The following PARD3B variants were observed in gnomAD, a reference collection of about 807,000 sequenced individuals.
PARD3B encodes the protein par-3 family cell polarity regulator beta, also known as partitioning defective 3 homolog B.
In PARD3B, 103 loss-of-function variants were observed where a neutral mutation model predicts 130.2. That is an observed-to-expected ratio of 0.79 (90% confidence interval 0.67 to 0.93). The LOEUF (loss-of-function observed/expected upper bound fraction) is 0.93. Among genes scored for constraint, PARD3B ranks in the 40% least tolerant of loss-of-function variants. The probability of loss-of-function intolerance (pLI) is 0.00; values close to 1 mark genes in which losing one functional copy is unlikely to be tolerated. For missense variants in PARD3B, 1,609 were observed against 1,499.2 expected (o/e 1.07, Z -1.21); for synonymous variants, 583 against 553.2 (o/e 1.05, Z -0.76).
intron 2 of PARD3B, among the ~76,000 whole-genome samples, chr2:204,746,421 G>T (rs919170088): frequency 4.0e-5 from 6 of 151,826 alleles, no homozygotes; most frequent in Non-Finnish European, 8.8e-5. Context: ...TTGCTATTGT[G>T]AATAGTGCCG....
intron 3 of PARD3B, among the ~76,000 whole-genome samples, chr2:204,982,549 A>G (rs1692766502): frequency 6.6e-6 from 1 of 152,258 alleles, no homozygotes; most frequent in South Asian, 2.1e-4. Flanking sequence ...CCACATAACA[A>G]TATGTTGTCC....
chr2:205,184,377 A>G (rs2035974285), intron 13 of PARD3B, among the ~76,000 whole-genome samples: 1 of 152,238 alleles, frequency 6.6e-6, no homozygotes. Context: ...AGATACAAGT[A>G]GAACTTACAA....
rs1472730049 is a variant in PARD3B at position 205,301,721 on chromosome 2, G to A, written c.2630+20G>A. The A allele has an allele frequency of 2.5e-6, 4 of 1,613,882 alleles. No homozygotes were observed. The highest frequency in any genetic ancestry group is 2.5e-6 in the Non-Finnish European group (3 of 1,179,856). On this transcript the variant is annotated intron_variant, in intron 18 of 22. Transcript: ENST00000406610. This position sits in a 1 kb window ranked among gnomAD's most constrained non-coding sequence, Gnocchi z 5.2. Reference sequence around the variant, plus strand: ...GCTGAGGTATGGGCCTGCTTTGAAGGCAAAGTTGGTTCTCATTTTGTCTCT... The same window carrying A: ...GCTGAGGTATGGGCCTGCTTTGAAGACAAAGTTGGTTCTCATTTTGTCTCT...
chr2:205,550,955 G>GTGTGTATA lies in PARD3B; in HGVS notation c.3181-2368_3181-2367insGTGTATAT, dbSNP rs796567936. Reference sequence around the variant, plus strand: ...TGTGTGTGTGTGTATATATATATGTGTATATATATATATATATATATACAC... The same window carrying GTGTGTATA: ...TGTGTGTGTGTGTATATATATATGTGTGTGTATATATATATATATATATATATATACAC... On this transcript the variant is annotated intron_variant, in intron 21 of 22. Transcript: ENST00000406610. This position sits in a 1 kb window ranked among gnomAD's most constrained non-coding sequence, Gnocchi z 4.5. Among the ~76,000 whole-genome samples, 51 of 94,442 alleles carry GTGTGTATA rather than the reference G, an allele frequency of 5.4e-4. No homozygotes were observed. The highest frequency in any genetic ancestry group is 2.5e-3 in the South Asian group (6 of 2,378). 62.0% of individuals were successfully genotyped at this position (94,442 alleles called of 152,430 possible).
intron 3 of PARD3B, among the ~76,000 whole-genome samples, chr2:205,038,165 G>A (rs1698144181): frequency 6.6e-6 from 1 of 152,170 alleles, no homozygotes; most frequent in African/African-American, 2.4e-5. Flanking sequence ...GATATAATTA[G>A]TGGTTGAGGC....
intron 7 of PARD3B, among the ~76,000 whole-genome samples, chr2:205,119,947 C>CTAAG (rs1378244633): frequency 3.3e-5 from 5 of 151,976 alleles, no homozygotes; most frequent in Non-Finnish European, 5.9e-5. Flanking sequence ...GACCAAAGGA[C>CTAAG]TAAGTACTAA....
chr2:205,253,312 C>T lies in PARD3B; in HGVS notation c.2185+7490C>T, dbSNP rs2039936525. On this transcript the variant is annotated intron_variant, in intron 16 of 22. Transcript: ENST00000406610. The surrounding 1 kb of genome is among the most constrained non-coding windows in gnomAD (Gnocchi z 4.4). The stretch of plus-strand genomic sequence containing the variant: ...TATTAACACAAAGGCTCTGGCCGCC[C>T]CCCTACAAAGGAGGCCATGGAACCG... 1.9e-6 allele frequency: 1 copy of T among 518,496 alleles called. No individual in the cohort carries two copies. Among genetic ancestry groups the T allele is most frequent in the Admixed American group, 2.2e-5 (1 of 45,504 alleles). 32.1% of individuals were successfully genotyped at this position (518,496 alleles called of 1,614,324 possible). A position where few individuals can be genotyped will look rare whatever the true frequency, so the allele number is the denominator to read the frequency against.
At chr2:204,844,845 T>C (rs1450909449) in intron 2 of PARD3B, among the ~76,000 whole-genome samples, 1 of 152,170 alleles carries the variant, frequency 6.6e-6, no homozygotes, top group African/African-American at 2.4e-5. Flanking sequence ...AACTTTACAC[T>C]ATTGACTTTC....
chr2:205,441,352 C>T (rs919234799), intron 20 of PARD3B, among the ~76,000 whole-genome samples: 4 of 152,212 alleles, frequency 2.6e-5, no homozygotes, highest in Non-Finnish European at 5.9e-5. Context: ...TGATTCCAAC[C>T]CCACCTCCTG....
At chr2:204,892,782 G>T (rs2046497639) in intron 2 of PARD3B, among the ~76,000 whole-genome samples, 1 of 152,156 alleles carries the variant, frequency 6.6e-6, no homozygotes, top group Non-Finnish European at 1.5e-5. Context: ...AGTCTTTTCT[G>T]TGCAACTACA....
At chr2:204,832,973 T>C (rs2043885051) in intron 2 of PARD3B, among the ~76,000 whole-genome samples, 1 of 152,144 alleles carries the variant, frequency 6.6e-6, no homozygotes, top group Admixed American at 6.5e-5. Context: ...AGATGTAAGG[T>C]AGCATTATTA....
At chr2:205,156,296 A>C (rs1299615012) in intron 10 of PARD3B, among the ~76,000 whole-genome samples, 6 of 150,750 alleles carry the variant, frequency 4.0e-5, no homozygotes, top group East Asian at 2.0e-4. Context: ...TAGCATTAGG[A>C]GATATACCTA....
chr2:204,627,384 T>G (rs2125134994), intron 1 of PARD3B, among the ~76,000 whole-genome samples: 1 of 152,288 alleles, frequency 6.6e-6, no homozygotes, highest in African/African-American at 2.4e-5. Context: ...TATTTAAAAT[T>G]TTCATAACAA....
intron 2 of PARD3B, among the ~76,000 whole-genome samples, chr2:204,692,210 T>G (rs2037388005): frequency 6.6e-6 from 1 of 152,138 alleles, no homozygotes; most frequent in South Asian, 2.1e-4. Context: ...TGCTATGTTT[T>G]TTGTTACAAC....
intron 1 of PARD3B, among the ~76,000 whole-genome samples, chr2:204,549,569 G>A (rs1451079469): frequency 1.3e-5 from 2 of 152,106 alleles, no homozygotes; most frequent in Admixed American, 1.3e-4. Context: ...ATTGGGTTAG[G>A]AGTGGGTCCT....
chr2:205,200,704 T>C (rs1174760598), intron 15 of PARD3B, among the ~76,000 whole-genome samples: 29 of 152,222 alleles, frequency 1.9e-4, no homozygotes, highest in Admixed American at 1.8e-3. Context: ...TAAAGATGTA[T>C]ACAGTGAATA....
intron 1 of PARD3B, among the ~76,000 whole-genome samples, chr2:204,655,113 C>G (rs544241808): frequency 6.6e-6 from 1 of 152,188 alleles, no homozygotes; most frequent in Non-Finnish European, 1.5e-5. Context: ...GACATGTCAT[C>G]ATTTCATTGG....
At chr2:205,267,986 G>A (rs1214828880) in intron 16 of PARD3B, among the ~76,000 whole-genome samples, 4 of 152,070 alleles carry the variant, frequency 2.6e-5, no homozygotes, top group Non-Finnish European at 4.4e-5. Flanking sequence ...ATTTTATATG[G>A]CACCAACTCT....
intron 21 of PARD3B, among the ~76,000 whole-genome samples, chr2:205,507,366 C>G (rs1438519829): frequency 6.6e-6 from 1 of 151,826 alleles, no homozygotes; most frequent in African/African-American, 2.4e-5. Context: ...AGGCACCCAC[C>G]ACCACGCCCG....
Sources: gnomAD v4.1 joint callset for allele counts (sites outside exome capture counted in the v4.1 genomes callset) on GRCh38, gnomAD v4.1.1 for gene constraint, Gnocchi (gnomAD v3.1) non-coding constraint, MANE v1.5 for transcripts, NCBI Gene and HGNC (gene_info 2026-07-23, HGNC 2026-07-21) for gene names.